Variants in LIPC observed in about 807,000 individuals in gnomAD.
LIPC encodes the protein hepatic triacylglycerol lipase.
Under a neutral mutation model 50.7 loss-of-function variants are expected in LIPC, and 44 were observed. The observed-to-expected ratio is 0.87, with a 90% confidence interval of 0.68 to 1.11. LIPC has a LOEUF of 1.11. Ranked by LOEUF, LIPC falls within the 50% of genes most tolerant of loss-of-function variation. The probability of loss-of-function intolerance (pLI) is 0.00; values close to 1 mark genes in which losing one functional copy is unlikely to be tolerated. For synonymous variants in LIPC, 271 were observed against 256.4 expected, an observed-to-expected ratio of 1.06 and a Z score of -0.54; for missense variants, 697 against 648.2, an observed-to-expected ratio of 1.08 and a Z score of -0.82.
rs75983069 is a variant in LIPC, at chr15:58,563,649, A to G, written c.1314A>G (p.Pro438=). The G allele has an allele frequency of 3.8e-4, 619 of 1,614,164 alleles. 1 individual carries two copies. The African/African-American group carries it at 7.8e-3, about 20-fold the overall frequency. ...GGGACACGGTCCAGACCATCATCCC[A>G]TGGAGCACAGGGCCGCGCCACTCAG... The part of the protein sequence containing the change: ...NVWDTVQTII[P]WSTGPRHSGL... The change falls in exon 8 of 9, where the codon CCA becomes CCG. Residue 438 remains proline (P), a synonymous_variant. Transcript: ENST00000299022.
chr15:58,538,466 G>A lies in LIPC; in HGVS notation c.222G>A (p.Glu74=). 1 of 1,614,232 alleles carries A rather than the reference G, an allele frequency of 6.2e-7. No individual in the cohort carries two copies. Among genetic ancestry groups the A allele is most frequent in the South Asian group, 1.1e-5 (1 of 91,090 alleles). The change falls in exon 2 of 9, where the codon GAG becomes GAA. Residue 74 remains glutamate, a synonymous_variant. Coordinates refer to ENST00000299022, the MANE Select transcript of LIPC (RefSeq NM_000236.3). ...TCAATCATCCGGACACGTTACAGGA[G>A]TGCGGCTTCAACTCCTCCCTGCCTC... is the stretch of plus-strand genomic sequence containing the variant. The part of the protein sequence containing the change: ...IRINHPDTLQ[E]CGFNSSLPLV...
At chr15:58,498,073 G>A (rs1372243179) in intron 1 of LIPC, among the ~76,000 whole-genome samples, 1 of 152,104 alleles carries the variant, frequency 6.6e-6, no homozygotes, top group Admixed American at 6.5e-5. Context: ...AAGAGCTGAA[G>A]GATCAAAGAG....
At chr15:58,513,050 A>G (rs1892380371) in intron 1 of LIPC, among the ~76,000 whole-genome samples, 1 of 152,146 alleles carries the variant, frequency 6.6e-6, no homozygotes, top group East Asian at 1.9e-4. Flanking sequence ...TGGATGTTTC[A>G]TCCCAAAGGA....
At chr15:58,467,741 A>T (rs17190566) in intron 1 of LIPC, among the ~76,000 whole-genome samples, 16,450 of 152,120 alleles carry the variant, frequency 0.11, 1,005 homozygotes, top group South Asian at 0.16. Flanking sequence ...CTCATATCTG[A>T]ATTGGTATTT....
rs561566845 is a variant in LIPC at position 58,526,775 on chromosome 15, C to A, written c.89-11558C>A. Among the ~76,000 whole-genome samples the A allele has an allele frequency of 1.2e-4, 18 of 152,284 alleles. No individual in the cohort carries two copies. In the South Asian group the frequency reaches 3.7e-3, roughly 32 times the overall value. ...GGAAAGGGAAACAACACATTGAATG[C>A]CAACCCCTGGACTAGATATTTCATC... On this transcript the variant is annotated intron_variant, in intron 1 of 8. Transcript: ENST00000299022.
At chr15:58,551,789 G>T (rs1047126836) in intron 6 of LIPC, among the ~76,000 whole-genome samples, 11 of 152,198 alleles carry the variant, frequency 7.2e-5, no homozygotes, top group Non-Finnish European at 8.8e-5. Context: ...TTAGTGCAGG[G>T]TCTGGTTGGG....
At chr15:58,507,780 T>C (rs1467059322) in intron 1 of LIPC, among the ~76,000 whole-genome samples, 1 of 152,232 alleles carries the variant, frequency 6.6e-6, no homozygotes. Context: ...CATACGAATT[T>C]ATTTTAACAT....
intron 1 of LIPC, among the ~76,000 whole-genome samples, chr15:58,527,444 G>A (rs1281098060): frequency 1.3e-5 from 2 of 151,946 alleles, no homozygotes; most frequent in African/African-American, 4.8e-5. Flanking sequence ...CCACACATAA[G>A]CTCACCTTCC....
At chr15:58,480,870 T>A (rs41292490) in intron 1 of LIPC, among the ~76,000 whole-genome samples, 243 of 152,204 alleles carry the variant, frequency 1.6e-3, no homozygotes, top group African/African-American at 5.7e-3. Context: ...GTACTGTAGG[T>A]TCCCCTCTCA....
chr15:58,513,315 C>G (rs1392261644), intron 1 of LIPC, among the ~76,000 whole-genome samples: 3 of 152,238 alleles, frequency 2.0e-5, no homozygotes, highest in African/African-American at 7.2e-5. Context: ...CAACCCTGTT[C>G]CAGACACTTG....
rs770217004 is a variant in LIPC at position 58,544,536 on chromosome 15, C to T, written c.575-1206C>T. Among the ~76,000 whole-genome samples, 5 of 151,872 alleles carry T rather than the reference C, an allele frequency of 3.3e-5. No individual in the cohort carries two copies. The South Asian group carries it at 6.2e-4, about 19-fold the overall frequency. On this transcript the variant is annotated intron_variant, in intron 4 of 8. Transcript: ENST00000299022. ...TCAGCTTCCCAAGTAGCTGGGACTA[C>T]AGGTGTCCACCACCACGCCCGGCTA...
chr15:58,567,760 C>A (rs1198923356), intron 8 of LIPC, among the ~76,000 whole-genome samples: 2 of 151,890 alleles, frequency 1.3e-5, no homozygotes, highest in Non-Finnish European at 2.9e-5. Context: ...GGAAAAATTG[C>A]AGGAAAACAT....
At position 58,505,478 on chromosome 15, in the gene LIPC, G is replaced by A. The variant is rs959179625; in HGVS notation, c.89-32855G>A. On this transcript the variant is annotated intron_variant, in intron 1 of 8. Coordinates refer to ENST00000299022, the MANE Select transcript of LIPC (RefSeq NM_000236.3). The stretch of plus-strand genomic sequence containing the variant: ...TGCTCAACAGCTGCTGTTGGTATTG[G>A]TGGTGGTGGTGAATGGTCTGCCAGC... Among the ~76,000 whole-genome samples the A allele has an allele frequency of 4.6e-5, 7 of 152,188 alleles. No homozygotes were observed. The East Asian group carries it at 1.3e-3, about 29-fold the overall frequency.
chr15:58,547,278 C>A (rs1362508318), intron 5 of LIPC, among the ~76,000 whole-genome samples: 1 of 152,226 alleles, frequency 6.6e-6, no homozygotes, highest in Non-Finnish European at 1.5e-5. Context: ...TGCAGATTCA[C>A]CTTCACTACC....
chr15:58,550,391 G>C (rs1271371269), intron 6 of LIPC, among the ~76,000 whole-genome samples: 1 of 152,142 alleles, frequency 6.6e-6, no homozygotes, highest in African/African-American at 2.4e-5. Flanking sequence ...AGGAAGAAGG[G>C]GAAACAAGAG....
At chr15:58,497,331 C>G (rs55995747) in intron 1 of LIPC, among the ~76,000 whole-genome samples, 14,896 of 152,198 alleles carry the variant, frequency 0.098, 917 homozygotes, top group Non-Finnish European at 0.14. Context: ...TCAGCAGCCA[C>G]TAATTCTCAG....
At chr15:58,443,827 G>A (rs373789939) in intron 1 of LIPC, among the ~76,000 whole-genome samples, 7 of 152,228 alleles carry the variant, frequency 4.6e-5, no homozygotes, top group African/African-American at 1.4e-4. Context: ...GATAGGCGGT[G>A]GAGTTTGGAG....
At chr15:58,537,869 C>G (rs1357967629) in intron 1 of LIPC, among the ~76,000 whole-genome samples, 1 of 152,184 alleles carries the variant, frequency 6.6e-6, no homozygotes, top group East Asian at 1.9e-4. Context: ...AGTTGAGCCT[C>G]AGGAGCTAAT....
intron 1 of LIPC, among the ~76,000 whole-genome samples, chr15:58,492,698 A>C (rs1162199251): frequency 6.6e-6 from 1 of 152,114 alleles, no homozygotes; most frequent in Non-Finnish European, 1.5e-5. Context: ...CTGTCCCACC[A>C]ATCTCCACCT....
Sources: allele counts gnomAD v4.1 joint callset (sites outside exome capture counted in the v4.1 genomes callset), GRCh38; gene constraint gnomAD v4.1.1; transcripts MANE v1.5; gene names NCBI Gene and HGNC (gene_info 2026-07-23, HGNC 2026-07-21).